The following SNAPC3 variants were observed in gnomAD, a reference collection of about 807,000 sequenced individuals.
The protein encoded by SNAPC3 is snRNA-activating protein complex subunit 3.
Under a neutral mutation model 47.7 loss-of-function variants are expected in SNAPC3, and 56 were observed. The ratio of observed to expected loss-of-function variants is 1.18; its 90% CI spans 0.95 to 1.47. The LOEUF (loss-of-function observed/expected upper bound fraction) is 1.47. Ranked by LOEUF, SNAPC3 falls within the 40% of genes most tolerant of loss-of-function variation. The pLI is 0.00. For missense variants in SNAPC3, 665 were observed against 511.3 expected (o/e 1.30, Z -2.90); for synonymous variants, 235 against 189.9 (o/e 1.24, Z -1.95).
rs1214671391 is a variant in SNAPC3, at chr9:15,461,472, T to G, written c.*1606T>G. 1 of 152,170 alleles carries G rather than the reference T, an allele frequency of 6.6e-6. No individual in the cohort carries two copies. Among genetic ancestry groups the G allele is most frequent in the Admixed American group, 6.5e-5 (1 of 15,270 alleles). 9.4% of individuals were successfully genotyped at this position (152,170 alleles called of 1,614,324 possible). ...CCACAGCGCCCAGCAAAATAAACTTTCTTTATTTTCAGGTCTAGACCATCA... is the reference window on the plus strand; with the variant it reads ...CCACAGCGCCCAGCAAAATAAACTTGCTTTATTTTCAGGTCTAGACCATCA... On this transcript the variant is annotated 3_prime_UTR_variant, in exon 9 of 9. Transcript: ENST00000380821.
chr9:15,456,239 A>G (rs57318120), intron 7 of SNAPC3, among the ~76,000 whole-genome samples: 4,017 of 151,884 alleles, frequency 0.026, 161 homozygotes, highest in African/African-American at 0.091. Context: ...CGAACTCCTG[A>G]CCTCAGGTGA....
At chr9:15,432,033 C>T (rs1326930164) in intron 2 of SNAPC3, 1 of 151,732 alleles carries the variant, frequency 6.6e-6, no homozygotes, top group Non-Finnish European at 1.5e-5. Context: ...AAGGTGAAGA[C>T]AGAACTGTTT....
intron 3 of SNAPC3, among the ~76,000 whole-genome samples, chr9:15,436,043 C>T (rs1020625091): frequency 3.3e-5 from 5 of 151,992 alleles, no homozygotes; most frequent in African/African-American, 7.2e-5. Context: ...GGGGTTTCAC[C>T]ATGTTGGCTA....
At chr9:15,464,068 T>C (rs1041326702), downstream of SNAPC3, 4 of 177,404 alleles carry the variant, frequency 2.3e-5, no homozygotes, top group Admixed American at 6.3e-5. Context: ...TAGCAGAGTT[T>C]GATAGAAAAA....
At chr9:15,447,044 G>C (rs1563849663) in intron 4 of SNAPC3, 51 bp from the exon 5 acceptor site, 1 of 1,519,286 alleles carries the variant, frequency 6.6e-7, no homozygotes, top group Non-Finnish European at 9.1e-7. Flanking sequence ...AGGATTTGTA[G>C]TTTTATCGCT....
At chr9:15,435,636 G>C (rs1469147556) in intron 3 of SNAPC3, among the ~76,000 whole-genome samples, 2 of 151,482 alleles carry the variant, frequency 1.3e-5, no homozygotes, top group African/African-American at 4.8e-5. Context: ...GAGGCTGGCA[G>C]GACAATCACT....
At chr9:15,426,505 G>A (rs2031422039) in intron 2 of SNAPC3, among the ~76,000 whole-genome samples, 1 of 152,108 alleles carries the variant, frequency 6.6e-6, no homozygotes, top group Non-Finnish European at 1.5e-5. Flanking sequence ...TAGAACTGTG[G>A]TGCATAGTAG....
In SNAPC3 at chr9:15,458,310, A is replaced by T. The variant is rs2034954902; in HGVS notation, c.1088+243A>T. 4.6e-5 allele frequency among the ~76,000 whole-genome samples: 7 copies of T among 152,230 alleles called. No individual in the cohort carries two copies. In the South Asian group the frequency reaches 1.4e-3, roughly 31 times the overall value. The stretch of plus-strand genomic sequence containing the variant: ...AATTTCAGGCTTGTAAAATGTATAC[A>T]GCTAGGTGAATAAAAATAAAAGTCA... On this transcript the variant is annotated intron_variant, in intron 8 of 8. Transcript: ENST00000380821.
At chr9:15,456,102 G>C (rs1201952007) in intron 7 of SNAPC3, among the ~76,000 whole-genome samples, 1 of 152,072 alleles carries the variant, frequency 6.6e-6, no homozygotes, top group Admixed American at 6.5e-5. Context: ...TCGAACTCCC[G>C]ACCTCAGGTG....
intron 3 of SNAPC3, among the ~76,000 whole-genome samples, chr9:15,443,854 A>G (rs1000037035): frequency 6.6e-6 from 1 of 152,236 alleles, no homozygotes; most frequent in Non-Finnish European, 1.5e-5. Context: ...CACAGTGCTT[A>G]CTAATGAAAA....
At position 15,459,965 on chromosome 9, in the gene SNAPC3, T is replaced by C; in HGVS notation, c.*99T>C. On this transcript the variant is annotated 3_prime_UTR_variant, in exon 9 of 9. Transcript: ENST00000380821. ...ACGCCACTGAGGAACAGGATCCACTTTGAACAGTCCGCTAAAGCTATCAAA... is the reference window on the plus strand; with the variant it reads ...ACGCCACTGAGGAACAGGATCCACTCTGAACAGTCCGCTAAAGCTATCAAA... 9.4e-7 allele frequency: 1 copy of C among 1,062,900 alleles called. No individual in the cohort carries two copies. The highest frequency in any genetic ancestry group is 1.4e-6 in the Non-Finnish European group (1 of 736,024). 65.8% of individuals were successfully genotyped at this position (1,062,900 alleles called of 1,614,324 possible). A position where few individuals can be genotyped will look rare whatever the true frequency, so the allele number is the denominator to read the frequency against.
chr9:15,446,577 AGATTTTT>A (rs976385898), intron 4 of SNAPC3, among the ~76,000 whole-genome samples: 36 of 152,154 alleles, frequency 2.4e-4, no homozygotes, highest in African/African-American at 7.7e-4. Flanking sequence ...CTTTGAAAGG[AGATTTTT>A]ATTACATTTC....
intron 3 of SNAPC3, among the ~76,000 whole-genome samples, chr9:15,438,247 G>GT (rs1420379351): frequency 6.6e-6 from 1 of 152,122 alleles, no homozygotes; most frequent in African/African-American, 2.4e-5. Context: ...TTTCATCTAG[G>GT]TTATCCAATT....
chr9:15,465,576 A>G (rs2035565668), downstream of SNAPC3: 1 of 1,581,206 alleles, frequency 6.3e-7, no homozygotes, highest in African/African-American at 1.4e-5. Context: ...TCTTCACTGG[A>G]TGGCCTGAAG....
chr9:15,450,176 C>T (rs2034283972), intron 5 of SNAPC3, among the ~76,000 whole-genome samples: 1 of 152,026 alleles, frequency 6.6e-6, no homozygotes. Flanking sequence ...TACATAATCT[C>T]CATAACAACC....
chr9:15,435,502 G>C (rs1470273703), intron 3 of SNAPC3, among the ~76,000 whole-genome samples: 6 of 152,028 alleles, frequency 3.9e-5, no homozygotes, highest in Admixed American at 1.3e-4. Context: ...GAACCTGGGA[G>C]GTGGAGGTTG....
chr9:15,440,960 A>AAG (rs1225056581), intron 3 of SNAPC3, among the ~76,000 whole-genome samples: 1 of 151,602 alleles, frequency 6.6e-6, no homozygotes, highest in African/African-American at 2.4e-5. Flanking sequence ...AAAAAAAAAA[A>AAG]AAAAAAATTG....
intron 7 of SNAPC3, among the ~76,000 whole-genome samples, chr9:15,455,262 T>C (rs1197358912): frequency 6.6e-6 from 1 of 152,070 alleles, no homozygotes; most frequent in Non-Finnish European, 1.5e-5. Flanking sequence ...ATGTCTTTGA[T>C]GTTATTAAAA....
chr9:15,462,180 AAAG>A (rs1195499032), downstream of SNAPC3: 2 of 152,240 alleles, frequency 1.3e-5, no homozygotes, highest in Non-Finnish European at 2.9e-5. Context: ...TTTAGCGGAC[AAAG>A]AAGAAACATG....
Sources: gnomAD v4.1 joint callset for allele counts (sites outside exome capture counted in the v4.1 genomes callset) on GRCh38, gnomAD v4.1.1 for gene constraint, MANE v1.5 for transcripts, NCBI Gene and HGNC (gene_info 2026-07-23, HGNC 2026-07-21) for gene names.